Variants in SDK1 observed in about 807,000 individuals in gnomAD.
The protein encoded by SDK1 is protein sidekick-1.
SDK1 carries 157 observed loss-of-function variants against 245.5 expected under a neutral mutation model. The ratio of observed to expected loss-of-function variants is 0.64; its 90% CI spans 0.56 to 0.73. SDK1 has a LOEUF of 0.73. Among genes scored for constraint, SDK1 ranks in the 30% least tolerant of loss-of-function variants. SDK1 has a pLI of 0.00. For synonymous variants in SDK1, 1,647 were observed against 1,278.5 expected (o/e 1.29, Z -6.15); for missense variants, 3,583 against 3,002.3 (o/e 1.19, Z -4.52).
At chr7:4,151,538 G>A (rs528231890) in intron 30 of SDK1, among the ~76,000 whole-genome samples, 43 of 152,268 alleles carry the variant, frequency 2.8e-4, no homozygotes, top group South Asian at 6.2e-4. Context: ...CAGCAGCTCC[G>A]GCTTGATGTC....
chr7:4,113,448 G>C lies in SDK1; in HGVS notation c.3585+9G>C, dbSNP rs1348965051. 6.2e-7 allele frequency: 1 copy of C among 1,613,238 alleles called. No individual in the cohort carries two copies. The highest frequency in any genetic ancestry group is 2.2e-5 in the East Asian group (1 of 44,874). On this transcript the variant is annotated intron_variant, in intron 24 of 44. Transcript: ENST00000404826. The stretch of plus-strand genomic sequence containing the variant: ...TGCGGCTTCGCTGGGTGGTGAGTGG[G>C]GGTGAGAAGGGAGGCTGGAGGCACA...
intron 1 of SDK1, among the ~76,000 whole-genome samples, chr7:3,426,311 T>C (rs1779674831): frequency 6.6e-6 from 1 of 152,100 alleles, no homozygotes; most frequent in Non-Finnish European, 1.5e-5. Flanking sequence ...CACTGAGTGA[T>C]AAGGGTGCTA....
chr7:3,839,497 A>C lies in SDK1; in HGVS notation c.847+17914A>C, dbSNP rs558941902. 2.0e-5 allele frequency among the ~76,000 whole-genome samples: 3 copies of C among 152,290 alleles called. No homozygotes were observed. The East Asian group carries it at 5.8e-4, about 29-fold the overall frequency. On this transcript the variant is annotated intron_variant, in intron 5 of 44. Coordinates refer to ENST00000404826, the MANE Select transcript of SDK1 (RefSeq NM_152744.4). ...AGAATGCTGTCGAGGAATTGGGTGA[A>C]ATTGTTAAAACTGTTAAAACTCCTT...
chr7:3,820,907 T>A (rs769530773), intron 4 of SDK1, among the ~76,000 whole-genome samples: 2 of 152,204 alleles, frequency 1.3e-5, no homozygotes, highest in Non-Finnish European at 2.9e-5. Flanking sequence ...AGACGTGGCC[T>A]GGAGTTAATA....
In SDK1 at chr7:4,221,102, G is replaced by A. The variant is rs188699471; in HGVS notation, c.5702-137G>A. 46 of 997,202 alleles carry A rather than the reference G, an allele frequency of 4.6e-5. No individual in the cohort carries two copies. In the East Asian group the frequency reaches 1.2e-3, roughly 27 times the overall value. 61.8% of individuals were successfully genotyped at this position (997,202 alleles called of 1,614,324 possible). A position where few individuals can be genotyped will look rare whatever the true frequency, so the allele number is the denominator to read the frequency against. On this transcript the variant is annotated intron_variant, in intron 39 of 44. Transcript: ENST00000404826. Reference sequence around the variant, plus strand: ...CCTGTTATTAAGATGAAAAACCCTGGGTGCGTGAGGTTAAGTAACCTGCCC... The same window carrying A: ...CCTGTTATTAAGATGAAAAACCCTGAGTGCGTGAGGTTAAGTAACCTGCCC...
intron 2 of SDK1, 126 bp downstream of exon 2, chr7:3,619,365 A>AG: frequency 5.3e-6 from 4 of 749,942 alleles, no homozygotes; most frequent in Non-Finnish European, 8.5e-6. Context: ...TCAAGATTAA[A>AG]GGAATAGATT....
At chr7:4,157,040 C>T (rs1226118525) in intron 30 of SDK1, among the ~76,000 whole-genome samples, 2 of 152,194 alleles carry the variant, frequency 1.3e-5, no homozygotes, top group Non-Finnish European at 2.9e-5. Flanking sequence ...GAGAACAGAG[C>T]AGTTTCCTCA....
chr7:3,681,981 C>G (rs190614219), intron 4 of SDK1, among the ~76,000 whole-genome samples: 1 of 152,118 alleles, frequency 6.6e-6, no homozygotes, highest in Non-Finnish European at 1.5e-5. Context: ...ATAACATAAT[C>G]AAATGTTTTA....
intron 8 of SDK1, among the ~76,000 whole-genome samples, chr7:3,960,685 T>G (rs1781605941): frequency 6.6e-6 from 1 of 152,220 alleles, no homozygotes; most frequent in Non-Finnish European, 1.5e-5. Context: ...CAGCGGCTGC[T>G]GTCCACGGCT....
chr7:4,074,904 ATATATATATATAT>A (rs1208549345), intron 20 of SDK1, among the ~76,000 whole-genome samples: 13 of 64,980 alleles, frequency 2.0e-4, no homozygotes, highest in African/African-American at 1.1e-3. Flanking sequence ...ATATATATAT[ATATATATATATAT>A]TTTTTTTTTT....
intron 12 of SDK1, among the ~76,000 whole-genome samples, chr7:3,972,907 C>G (rs76084826): frequency 2.0e-5 from 3 of 152,184 alleles, no homozygotes; most frequent in East Asian, 1.9e-4. Context: ...AAGTGAAAGA[C>G]GACCTAGGAC....
chr7:3,971,660 C>T, intron 12 of SDK1, 92 bp downstream of exon 12: 1 of 944,114 alleles, frequency 1.1e-6, no homozygotes, highest in South Asian at 1.4e-5. Flanking sequence ...ATTGGGGGAA[C>T]TTTTGATTTC....
chr7:3,553,255 G>T (rs186247530), intron 1 of SDK1, among the ~76,000 whole-genome samples: 19 of 152,200 alleles, frequency 1.2e-4, no homozygotes, highest in Non-Finnish European at 2.9e-5. Flanking sequence ...CAATCTAGGA[G>T]GCAGTTATTT....
chr7:3,660,565 G>C (rs907233214), intron 4 of SDK1, among the ~76,000 whole-genome samples: 12 of 152,118 alleles, frequency 7.9e-5, no homozygotes, highest in Admixed American at 2.0e-4. Context: ...AATGGGCTCA[G>C]CTCCGCAGCC....
At position 4,248,883 on chromosome 7, in the gene SDK1, A is replaced by G. The variant is rs117353683; in HGVS notation, c.6381+3078A>G. On this transcript the variant is annotated intron_variant, in intron 44 of 44. Transcript: ENST00000404826. Reference sequence around the variant, plus strand: ...TATACACGTGCATGCATACCTAAATACAAGTACAAGCACACATGCATACCA... The same window carrying G: ...TATACACGTGCATGCATACCTAAATGCAAGTACAAGCACACATGCATACCA... Among the ~76,000 whole-genome samples, 12 of 149,386 alleles carry G rather than the reference A, an allele frequency of 8.0e-5. No homozygotes were observed. In the East Asian group the frequency reaches 2.1e-3, roughly 26 times the overall value.
intron 4 of SDK1, among the ~76,000 whole-genome samples, chr7:3,764,809 T>C (rs1406743791): frequency 3.9e-5 from 6 of 152,202 alleles, no homozygotes; most frequent in East Asian, 1.9e-4. Context: ...TATTTTAATA[T>C]GTAAATTGAA....
chr7:4,232,411 C>CTTTTTTTTTTTTTTTTTTT (rs71032930), intron 40 of SDK1, among the ~76,000 whole-genome samples: 5 of 98,782 alleles, frequency 5.1e-5, no homozygotes, highest in Non-Finnish European at 7.8e-5. Flanking sequence ...TCTTTTCTTT[C>CTTTTTTTTTTTTTTTTTTT]TTTTTTTTTT....
chr7:4,242,021 G>A, intron 43 of SDK1, 108 bp downstream of exon 43: 1 of 1,389,372 alleles, frequency 7.2e-7, no homozygotes, highest in Non-Finnish European at 9.7e-7. Flanking sequence ...GTGGTTCCAG[G>A]AAGCAAAACC....
chr7:3,464,796 A>G (rs1780942747), intron 1 of SDK1, among the ~76,000 whole-genome samples: 1 of 151,988 alleles, frequency 6.6e-6, no homozygotes, highest in South Asian at 2.1e-4. Flanking sequence ...AACAGGACAC[A>G]CTAATGTCGG....
Sources: gnomAD v4.1 joint callset for allele counts (sites outside exome capture counted in the v4.1 genomes callset) on GRCh38, gnomAD v4.1.1 for gene constraint, MANE v1.5 for transcripts, NCBI Gene and HGNC (gene_info 2026-07-23, HGNC 2026-07-21) for gene names.